Variants in ARIH1 observed in about 807,000 individuals in gnomAD.
ARIH1 encodes E3 ubiquitin-protein ligase ARIH1.
Under a neutral mutation model 85.0 loss-of-function variants are expected in ARIH1, and 8 were observed. That is an observed-to-expected ratio of 0.09 (90% CI 0.06 to 0.17). The LOEUF (loss-of-function observed/expected upper bound fraction) is 0.17, where lower values mean the gene tolerates loss of function less well. ARIH1 is among the 10% of genes least tolerant of loss of function. ARIH1 has a pLI of 1.00. For synonymous variants in ARIH1, 238 were observed against 253.6 expected (o/e 0.94, Z 0.59); for missense variants, 311 against 718.1 (o/e 0.43, Z 6.48).
At chr15:72,537,247 T>C (rs1180472775) in intron 2 of ARIH1, among the ~76,000 whole-genome samples, 1 of 152,188 alleles carries the variant, frequency 6.6e-6, no homozygotes, top group African/African-American at 2.4e-5. Context: ...ATGCCAGTCA[T>C]CTTACATTCT....
intron 3 of ARIH1, among the ~76,000 whole-genome samples, chr15:72,554,476 C>T (rs567469986): frequency 6.6e-6 from 1 of 152,236 alleles, no homozygotes; most frequent in South Asian, 2.1e-4. Context: ...GCCTTGACCT[C>T]TCAGGTTCAA....
chr15:72,599,590 A>G lies in ARIH1; in HGVS notation c.*16298A>G, dbSNP rs1180961818. 6.6e-6 allele frequency: 1 copy of G among 152,006 alleles called. No homozygotes were observed. Among genetic ancestry groups the G allele is most frequent in the Admixed American group, 6.6e-5 (1 of 15,254 alleles). The allele number at this position is 152,006 out of a possible 1,614,324, so 9.4% of individuals were successfully genotyped here. ...GCTGGTCTCAAACTCCTGGCCTCCT[A>G]CCTCGACTTCTCATAGTTCTGGCGT... On this transcript the variant is annotated 3_prime_UTR_variant, in exon 14 of 14. Transcript: ENST00000379887.
Position 72,532,730 on chromosome 15 carries a change from A to G in ARIH1, c.444-12090A>G, listed in dbSNP as rs74022840. Reference sequence around the variant, plus strand: ...TAGCAAATTGAATTCAGCAATACATATATAAAAAGGAGGGTAACCCAGCAT... The same window carrying G: ...TAGCAAATTGAATTCAGCAATACATGTATAAAAAGGAGGGTAACCCAGCAT... On this transcript the variant is annotated intron_variant, in intron 2 of 13. Transcript: ENST00000379887. Among the ~76,000 whole-genome samples the G allele has an allele frequency of 7.0e-3, 1,059 of 152,362 alleles. 5 individuals carry two copies. The highest frequency in any genetic ancestry group is 0.024 in the African/African-American group (991 of 41,588).
intron 9 of ARIH1, among the ~76,000 whole-genome samples, chr15:72,568,397 TTTAA>T (rs1201837914): frequency 6.6e-6 from 1 of 152,200 alleles, no homozygotes. Context: ...CACTAAATTG[TTTAA>T]TTAAATGGTA....
chr15:72,496,915 T>TA (rs1419404306), intron 1 of ARIH1: 6 of 922,378 alleles, frequency 6.5e-6, no homozygotes, highest in Non-Finnish European at 7.8e-6. Context: ...CACACATACT[T>TA]ACACACAGAC....
In ARIH1 at chr15:72,474,693, TGAG is replaced by T. The variant is rs534030629; in HGVS notation, c.60_62del (p.Glu20del). On this transcript the variant is annotated inframe_deletion, in exon 1 of 14. Coordinates refer to ENST00000379887, the MANE Select transcript of ARIH1 (RefSeq NM_005744.5). ...AGTTCGACGAGGACGAGGAGTGCAG[TGAG>T]GAGGACAGCGGCGCCGAGGAGGAGG... The T allele has an allele frequency of 4.4e-4, 697 of 1,570,930 alleles. 12 individuals carry two copies. In the South Asian group the frequency reaches 7.1e-3, roughly 16 times the overall value.
intron 7 of ARIH1, among the ~76,000 whole-genome samples, chr15:72,564,741 G>C (rs147621582): frequency 6.6e-6 from 1 of 152,238 alleles, no homozygotes. Flanking sequence ...CAAGATCAAG[G>C]TGCCAAAAGA....
chr15:72,478,348 C>T (rs533269573), intron 1 of ARIH1, among the ~76,000 whole-genome samples: 4 of 152,150 alleles, frequency 2.6e-5, no homozygotes, highest in South Asian at 4.1e-4. Context: ...AACTCCTGAA[C>T]CCAGGTGATC....
chr15:72,500,153 G>T (rs1331629593), intron 1 of ARIH1, among the ~76,000 whole-genome samples: 1 of 151,692 alleles, frequency 6.6e-6, no homozygotes, highest in Non-Finnish European at 1.5e-5. Flanking sequence ...GAGTGTAGTG[G>T]CACAATCTCG....
chr15:72,540,793 T>G lies in ARIH1; in HGVS notation c.444-4027T>G, dbSNP rs113311617. ...TGCTATTATTGCATATGTGAAAAAC[T>G]GCTGTGCACCAGCCTGGGCAACATA... On this transcript the variant is annotated intron_variant, in intron 2 of 13. Coordinates refer to ENST00000379887, the MANE Select transcript of ARIH1 (RefSeq NM_005744.5). Among the ~76,000 whole-genome samples, 95 of 152,288 alleles carry G rather than the reference T, an allele frequency of 6.2e-4. 2 individuals carry two copies. The highest frequency in any genetic ancestry group is 2.1e-3 in the African/African-American group (87 of 41,560).
chr15:72,482,097 A>G (rs907304611), intron 1 of ARIH1, among the ~76,000 whole-genome samples: 1 of 152,140 alleles, frequency 6.6e-6, no homozygotes, highest in African/African-American at 2.4e-5. Flanking sequence ...TGGCCTCCCA[A>G]AGTGCTGGGA....
rs553654869 is a variant in ARIH1 at position 72,495,969 on chromosome 15, G to T, written c.375+20955G>T. Among the ~76,000 whole-genome samples, 36 of 152,230 alleles carry T rather than the reference G, an allele frequency of 2.4e-4. No individual in the cohort carries two copies. The South Asian group carries it at 7.1e-3, about 30-fold the overall frequency. On this transcript the variant is annotated intron_variant, in intron 1 of 13. Transcript: ENST00000379887. ...TCTGTCACCCAAGCTGGAGTGCAGTGGTGTAATCACAGCTCACCGCAGCCT... is the reference window on the plus strand; with the variant it reads ...TCTGTCACCCAAGCTGGAGTGCAGTTGTGTAATCACAGCTCACCGCAGCCT...
intron 3 of ARIH1, among the ~76,000 whole-genome samples, chr15:72,550,359 T>G (rs901742995): frequency 1.1e-4 from 16 of 152,246 alleles, no homozygotes; most frequent in Admixed American, 8.5e-4. Context: ...GTAACCATTG[T>G]GACCGTTGAT....
chr15:72,572,213 T>C (rs1182043755), intron 11 of ARIH1, 48 bp downstream of exon 11: 1 of 1,300,534 alleles, frequency 7.7e-7, no homozygotes, highest in Admixed American at 2.1e-5. Context: ...ATGCACGTTG[T>C]ATATTCATAT....
intron 2 of ARIH1, among the ~76,000 whole-genome samples, chr15:72,544,555 C>A (rs777944484): frequency 6.7e-6 from 1 of 149,892 alleles, no homozygotes; most frequent in Admixed American, 6.7e-5. Flanking sequence ...TACATACATA[C>A]ACACACACAC....
chr15:72,517,927 C>T, intron 1 of ARIH1, 140 bp from the exon 2 acceptor site: 1 of 595,200 alleles, frequency 1.7e-6, no homozygotes, highest in Admixed American at 3.2e-5. Flanking sequence ...AAATATATTT[C>T]CTTAGAGGAA....
chr15:72,555,515 A>G (rs1419688757), intron 4 of ARIH1, 152 bp downstream of exon 4: 4 of 648,686 alleles, frequency 6.2e-6, no homozygotes, highest in Non-Finnish European at 1.0e-5. Context: ...TCCTAAAGTA[A>G]TGTGGCATTC....
chr15:72,584,583 C>T lies in ARIH1; in HGVS notation c.*1291C>T, dbSNP rs922722067. On this transcript the variant is annotated 3_prime_UTR_variant, in exon 14 of 14. Coordinates refer to ENST00000379887, the MANE Select transcript of ARIH1 (RefSeq NM_005744.5). Reference sequence around the variant, plus strand: ...ATTGTGAATTTAAAATGGTGGATACCGAAATTGCTTGTGTGTGTTGCTGTG... The same window carrying T: ...ATTGTGAATTTAAAATGGTGGATACTGAAATTGCTTGTGTGTGTTGCTGTG... The T allele has an allele frequency of 2.6e-5, 4 of 151,892 alleles. No homozygotes were observed. Among genetic ancestry groups the T allele is most frequent in the Admixed American group, 2.6e-4 (4 of 15,228 alleles). 9.4% of individuals were successfully genotyped at this position (151,892 alleles called of 1,614,324 possible). A position where few individuals can be genotyped will look rare whatever the true frequency, so the allele number is the denominator to read the frequency against.
chr15:72,515,913 C>T (rs2063972966), intron 1 of ARIH1, among the ~76,000 whole-genome samples: 1 of 152,118 alleles, frequency 6.6e-6, no homozygotes, highest in Admixed American at 6.5e-5. Flanking sequence ...TCTTTATTCC[C>T]CTAGCCAGAA....
Sources: allele counts gnomAD v4.1 joint callset (sites outside exome capture counted in the v4.1 genomes callset), GRCh38; gene constraint gnomAD v4.1.1; transcripts MANE v1.5; gene names NCBI Gene and HGNC (gene_info 2026-07-23, HGNC 2026-07-21).